Variants in SVEP1 observed in about 807,000 individuals in gnomAD.
The protein encoded by SVEP1 is sushi, von Willebrand factor type A, EGF and pentraxin domain-containing protein 1.
A neutral mutation model predicts 367.3 loss-of-function variants in SVEP1; 164 were observed. The ratio of observed to expected loss-of-function variants is 0.45; its 90% CI spans 0.39 to 0.51. The LOEUF (loss-of-function observed/expected upper bound fraction) is 0.51, where lower values mean the gene tolerates loss of function less well. SVEP1 is among the 20% of genes least tolerant of loss of function. The probability of loss-of-function intolerance (pLI) is 0.00; values close to 1 mark genes in which losing one functional copy is unlikely to be tolerated. For synonymous variants in SVEP1, 1,666 were observed against 1,611.6 expected, an observed-to-expected ratio of 1.03 and a Z score of -0.81; for missense variants, 4,117 against 4,425.3, an observed-to-expected ratio of 0.93 and a Z score of 1.98.
In SVEP1 at chr9:110,436,517, A is replaced by G. The variant is rs750527841; in HGVS notation, c.4640-13T>C. On this transcript the variant is annotated splice_polypyrimidine_tract_variant and intron_variant, in intron 27 of 47. Coordinates refer to ENST00000374469, the MANE Select transcript of SVEP1 (RefSeq NM_153366.4). ...AACGCACCACCACCTAAGGAGAGAG[A>G]AAGAGAAAGAAAAGGAGGAAAACTG... 3 of 1,611,424 alleles carry G rather than the reference A, an allele frequency of 1.9e-6. No homozygotes were observed. The highest frequency in any genetic ancestry group is 1.1e-5 in the South Asian group (1 of 90,748).
intron 46 of SVEP1, among the ~76,000 whole-genome samples, chr9:110,374,034 T>C (rs1827314911): frequency 6.6e-6 from 1 of 152,218 alleles, no homozygotes; most frequent in African/African-American, 2.4e-5. Flanking sequence ...AGGGTACATG[T>C]GCAGGTTTGT....
intron 17 of SVEP1, among the ~76,000 whole-genome samples, chr9:110,466,665 G>A (rs2118656213): frequency 6.8e-6 from 1 of 145,996 alleles, no homozygotes; most frequent in Non-Finnish European, 1.5e-5. Context: ...GGAGGCTGAG[G>A]CAGGAGAATG....
At chr9:110,537,137 A>G (rs1430743857) in intron 3 of SVEP1, among the ~76,000 whole-genome samples, 4 of 151,988 alleles carry the variant, frequency 2.6e-5, no homozygotes, top group Non-Finnish European at 5.9e-5. Context: ...TATTTTTGGC[A>G]TGCAACTCAG....
In SVEP1 at chr9:110,466,023, T is replaced by C. The variant is rs1203890994; in HGVS notation, c.3164A>G (p.Gln1055Arg). 1.2e-6 allele frequency: 2 copies of C among 1,611,004 alleles called. No homozygotes were observed. The highest frequency in any genetic ancestry group is 1.7e-5 in the Admixed American group (1 of 59,872). Residue 1055 changes from glutamine (Q) to arginine (R), a missense_variant, in exon 18 of 48, where the codon CAG (glutamine) becomes CGG (arginine). Coordinates refer to ENST00000374469, the MANE Select transcript of SVEP1 (RefSeq NM_153366.4). ...HSRNISDCKA[Q>R]CKQGTYSYSG... is the part of the protein sequence containing the mutation. ...GTATGAGTAGGTGCCTTGTTTACAC[T>C]GAGCTGAAAAGAAAAAGGTAATATT...
At chr9:110,520,536 G>A (rs550469928) in intron 3 of SVEP1, among the ~76,000 whole-genome samples, 3 of 152,166 alleles carry the variant, frequency 2.0e-5, no homozygotes, top group South Asian at 2.1e-4. Flanking sequence ...AGGTTATCAC[G>A]TTGTACTAAC....
intron 40 of SVEP1, among the ~76,000 whole-genome samples, chr9:110,392,854 C>A (rs1347183307): frequency 4.6e-5 from 7 of 152,116 alleles, no homozygotes; most frequent in African/African-American, 1.7e-4. Context: ...CCTGTGGGAG[C>A]CTTGTCCAGT....
At chr9:110,393,230 C>A (rs559178400) in intron 40 of SVEP1, among the ~76,000 whole-genome samples, 1 of 152,196 alleles carries the variant, frequency 6.6e-6, no homozygotes, top group African/African-American at 2.4e-5. Context: ...GTTTCAAAAA[C>A]AGGAAAACAC....
chr9:110,528,322 C>T lies in SVEP1; in HGVS notation c.965-14216G>A, dbSNP rs538105100. On this transcript the variant is annotated intron_variant, in intron 3 of 47. Transcript: ENST00000374469. ...AATGGCTTTTCCTTTGTGTAGATACCCAGTAGTGGGATTGCTGGAATGAAT... is the reference window on the plus strand; with the variant it reads ...AATGGCTTTTCCTTTGTGTAGATACTCAGTAGTGGGATTGCTGGAATGAAT... Among the ~76,000 whole-genome samples the T allele has an allele frequency of 7.9e-5, 12 of 150,960 alleles. No homozygotes were observed. The East Asian group carries it at 2.1e-3, about 27-fold the overall frequency.
At chr9:110,428,067 G>A (rs962369508) in intron 35 of SVEP1, among the ~76,000 whole-genome samples, 9 of 152,124 alleles carry the variant, frequency 5.9e-5, no homozygotes, top group African/African-American at 2.2e-4. Flanking sequence ...TTACTTGGAT[G>A]AGAAGGGGTT....
At chr9:110,563,520 T>G (rs1830455234) in intron 1 of SVEP1, among the ~76,000 whole-genome samples, 1 of 152,184 alleles carries the variant, frequency 6.6e-6, no homozygotes, top group East Asian at 1.9e-4. Flanking sequence ...TGTAAATAAA[T>G]TTTGCAATTT....
At chr9:110,561,732 TAGATA>T (rs1373306451) in intron 1 of SVEP1, among the ~76,000 whole-genome samples, 9 of 152,180 alleles carry the variant, frequency 5.9e-5, no homozygotes, top group Non-Finnish European at 1.3e-4. Flanking sequence ...AGTAAACAAA[TAGATA>T]AAACAATGAC....
Position 110,375,415 on chromosome 9 carries a change from T to TA in SVEP1, c.10552dup (p.Tyr3518LeufsTer4). The stretch of plus-strand genomic sequence containing the variant: ...CCAGCCAGGCGGGCAGTCACACTGG[T>TA]AAGGGGCCACACAGCGACCTCCGTT... On this transcript the variant is annotated frameshift_variant, in exon 46 of 48. Transcript: ENST00000374469. LOFTEE classifies it high-confidence loss of function. 3 of 1,457,708 alleles carry TA rather than the reference T, an allele frequency of 2.1e-6. No homozygotes were observed. Among genetic ancestry groups the TA allele is most frequent in the Non-Finnish European group, 2.7e-6 (3 of 1,096,228 alleles). The allele number at this position is 1,457,708 out of a possible 1,614,324, so 90.3% of individuals were successfully genotyped here. A position where few individuals can be genotyped will look rare whatever the true frequency, so the allele number is the denominator to read the frequency against.
chr9:110,578,579 T>C (rs1396566381), intron 1 of SVEP1, among the ~76,000 whole-genome samples: 1 of 152,140 alleles, frequency 6.6e-6, no homozygotes, highest in Non-Finnish European at 1.5e-5. Context: ...GGAGCAAAAA[T>C]AGGAAGGGCA....
In SVEP1 at chr9:110,482,455, T is replaced by G. The variant is rs1829207381; in HGVS notation, c.2076A>C (p.Gly692=). 6.3e-7 allele frequency: 1 copy of G among 1,589,536 alleles called. No individual in the cohort carries two copies. ...ELVITRSHTQ[G]DLFPQGETIV... is the part of the protein sequence containing the mutation. ...TAGTCTCCCCTTGAGGGAAAAGGTCTCCTTGTGTATGACTTCTGGTAATGA... is the reference window on the plus strand; with the variant it reads ...TAGTCTCCCCTTGAGGGAAAAGGTCGCCTTGTGTATGACTTCTGGTAATGA... Residue 692 remains glycine (G), a synonymous_variant, in exon 11 of 48, where the codon GGA becomes GGC. Transcript: ENST00000374469.
At chr9:110,395,354 A>G (rs62571897) in intron 40 of SVEP1, among the ~76,000 whole-genome samples, 1 of 152,208 alleles carries the variant, frequency 6.6e-6, no homozygotes, top group Non-Finnish European at 1.5e-5. Flanking sequence ...TGAAGGAAGC[A>G]CTAAACATGG....
intron 8 of SVEP1, among the ~76,000 whole-genome samples, chr9:110,491,432 G>A (rs1158771955): frequency 6.6e-6 from 1 of 151,602 alleles, no homozygotes; most frequent in Non-Finnish European, 1.5e-5. Flanking sequence ...TATTTCACCT[G>A]CCAATGTTTT....
intron 40 of SVEP1, among the ~76,000 whole-genome samples, chr9:110,389,911 A>G (rs1564127009): frequency 1.3e-5 from 2 of 151,742 alleles, no homozygotes; most frequent in African/African-American, 4.8e-5. Flanking sequence ...TAGTATTCTT[A>G]GAAATATATG....
chr9:110,395,811 A>T (rs1827749120), intron 40 of SVEP1, among the ~76,000 whole-genome samples: 1 of 152,178 alleles, frequency 6.6e-6, no homozygotes, highest in South Asian at 2.1e-4. Flanking sequence ...AACTATCCTA[A>T]ATATATATGC....
At chr9:110,479,837 C>G (rs1421895671) in intron 12 of SVEP1, 81 bp from the exon 13 acceptor site, 27 of 1,530,724 alleles carry the variant, frequency 1.8e-5, no homozygotes, top group Non-Finnish European at 3.5e-6. Context: ...ATAATTGAAA[C>G]AATGTTTTAA....
Sources: gnomAD v4.1 joint callset for allele counts (sites outside exome capture counted in the v4.1 genomes callset) on GRCh38, gnomAD v4.1.1 for gene constraint, MANE v1.5 for transcripts, NCBI Gene and HGNC (gene_info 2026-07-23, HGNC 2026-07-21) for gene names.